The following RIPOR1 variants were observed in gnomAD, a reference collection of about 807,000 sequenced individuals.
RIPOR1 encodes the protein RHO family interacting cell polarization regulator 1, also known as rho family-interacting cell polarization regulator 1.
Under a neutral mutation model 116.5 loss-of-function variants are expected in RIPOR1, and 58 were observed. The ratio of observed to expected loss-of-function variants is 0.50; its 90% CI spans 0.40 to 0.62. The LOEUF (loss-of-function observed/expected upper bound fraction) is 0.62, where lower values mean the gene tolerates loss of function less well. RIPOR1 is among the 20% of genes least tolerant of loss of function. The pLI, the probability that RIPOR1 is intolerant of heterozygous loss-of-function variation, is 0.00. For missense variants in RIPOR1, 1,372 were observed against 1,586.2 expected (o/e 0.86, Z 2.29); for synonymous variants, 605 against 650.0 (o/e 0.93, Z 1.05).
Position 67,537,622 on chromosome 16 carries a change from A to T in RIPOR1, c.-23-802A>T. The T allele has an allele frequency of 7.2e-7, 1 of 1,389,522 alleles. No homozygotes were observed. The allele number at this position is 1,389,522 out of a possible 1,614,324, so 86.1% of individuals were successfully genotyped here. A position where few individuals can be genotyped will look rare whatever the true frequency, so the allele number is the denominator to read the frequency against. ...GGTAGGACCCAGCTCGGGGCTGCGA[A>T]AGCTCAGGGACTGGCCCCAGGGGAA... On this transcript the variant is annotated intron_variant, in intron 1 of 21. Coordinates refer to ENST00000042381, the MANE Select transcript of RIPOR1 (RefSeq NM_024519.4). The surrounding 1 kb of genome is among the most constrained non-coding windows in gnomAD (Gnocchi z 4.6).
In RIPOR1 at chr16:67,540,765, T is replaced by C. The variant is rs1448233240; in HGVS notation, c.801+61T>C. 1.1e-5 allele frequency: 16 copies of C among 1,493,940 alleles called. No individual in the cohort carries two copies. Among genetic ancestry groups the C allele is most frequent in the African/African-American group, 1.4e-5 (1 of 71,324 alleles). The allele number at this position is 1,493,940 out of a possible 1,614,324, so 92.5% of individuals were successfully genotyped here. On this transcript the variant is annotated intron_variant, in intron 10 of 21. Transcript: ENST00000042381. The surrounding 1 kb of genome is among the most constrained non-coding windows in gnomAD (Gnocchi z 4.7). ...CCCTGTGAACCCCTTGTGACCCCCA[T>C]TACCCTGAGTCCCTTACTCCTGTGA...
Position 67,542,488 on chromosome 16 carries a change from C to T in RIPOR1, c.1702C>T (p.His568Tyr). 1 of 1,613,980 alleles carries T rather than the reference C, an allele frequency of 6.2e-7. No homozygotes were observed. Among genetic ancestry groups the T allele is most frequent in the Admixed American group, 1.7e-5 (1 of 59,988 alleles). The part of the protein sequence containing the change: ...TTHSAPSPLT[H>Y]TTTGSTHKPI... Reference sequence around the variant, plus strand: ...CCACAGTGCTCCAAGCCCCCTCACTCACACTACTACAGGCTCCACCCACAA... The same window carrying T: ...CCACAGTGCTCCAAGCCCCCTCACTTACACTACTACAGGCTCCACCCACAA... The change falls in exon 13 of 22, where the codon CAC becomes TAC. Residue 568 changes from histidine (H) to tyrosine (Y), a missense_variant. By Grantham distance (83) the His-to-Tyr change is moderately conservative. This residue lies in a region of RIPOR1 where 1,005 missense variants were observed against 1,144.7 expected (regional missense o/e 0.88). Coordinates refer to ENST00000042381, the MANE Select transcript of RIPOR1 (RefSeq NM_024519.4). This position sits in a 1 kb window ranked among gnomAD's most constrained non-coding sequence, Gnocchi z 4.6.
rs1490272260 is a variant in RIPOR1, at chr16:67,541,479, C to A, written c.851C>A (p.Ser284Tyr). Residue 284 changes from serine to tyrosine, a missense_variant, in exon 11 of 22, where the codon TCC becomes TAC. Ser to Tyr is a moderately radical substitution (Grantham distance 144). Transcript: ENST00000042381. This position sits in a 1 kb window ranked among gnomAD's most constrained non-coding sequence, Gnocchi z 4.6. The stretch of plus-strand genomic sequence containing the variant: ...AACCATGTGGTTGTGGGCAGTGTCT[C>A]CTGTGAGACCAAGGACCTGTTTGCC... The part of the protein sequence containing the change: ...LANHVVVGSV[S>Y]CETKDLFAAL... The A allele has an allele frequency of 6.2e-7, 1 of 1,614,114 alleles. No homozygotes were observed. The highest frequency in any genetic ancestry group is 2.2e-5 in the East Asian group (1 of 44,890).
chr16:67,541,541 C>T lies in RIPOR1; in HGVS notation c.913C>T (p.Leu305Phe). 1 of 1,614,124 alleles carries T rather than the reference C, an allele frequency of 6.2e-7. No homozygotes were observed. The highest frequency in any genetic ancestry group is 8.5e-7 in the Non-Finnish European group (1 of 1,179,990). The change falls in exon 11 of 22, where the codon CTT (leucine) becomes TTT (phenylalanine). Residue 305 changes from leucine to phenylalanine, a missense_variant. Coordinates refer to ENST00000042381, the MANE Select transcript of RIPOR1 (RefSeq NM_024519.4). The surrounding 1 kb of genome is among the most constrained non-coding windows in gnomAD (Gnocchi z 4.6). ...PQVVAVDINDLGTIKLSLEVT... is the reference protein window; with the variant it reads ...PQVVAVDINDFGTIKLSLEVT... ...GGTTGTGGCTGTGGATATCAATGAC[C>T]TTGGTACCATCAAGCTCAGCCTGGA...
Position 67,541,789 on chromosome 16 carries a change from C to G in RIPOR1, c.1080+7C>G. 6.2e-7 allele frequency: 1 copy of G among 1,614,076 alleles called. No homozygotes were observed. Among genetic ancestry groups the G allele is most frequent in the Non-Finnish European group, 8.5e-7 (1 of 1,179,980 alleles). ...TCGGGAACAGGCTTTCTATGTGAGT[C>G]ATAGCCCAGGTCCAGGCCTCACCAT... On this transcript the variant is annotated splice_region_variant and intron_variant, in intron 12 of 21. Transcript: ENST00000042381. This position sits in a 1 kb window ranked among gnomAD's most constrained non-coding sequence, Gnocchi z 4.6.
At chr16:67,533,820 T>C (rs2050723014) in intron 1 of RIPOR1, among the ~76,000 whole-genome samples, 1 of 151,028 alleles carries the variant, frequency 6.6e-6, no homozygotes. Flanking sequence ...TTTTTTTTTT[T>C]TTCTGAGATG....
At chr16:67,528,936 C>A in intron 1 of RIPOR1, 22 bp downstream of exon 1, 1 of 191,342 alleles carries the variant, frequency 5.2e-6, no homozygotes, top group Non-Finnish European at 1.1e-5. Context: ...GCGCCGTTTC[C>A]GGGGCTGCAG....
intron 1 of RIPOR1, among the ~76,000 whole-genome samples, chr16:67,519,453 C>T (rs2050475308): frequency 6.6e-6 from 1 of 152,008 alleles, no homozygotes; most frequent in Non-Finnish European, 1.5e-5. Flanking sequence ...ACAGGTCCCA[C>T]GGGCAGAGGT....
chr16:67,518,496 C>T (rs1310487487), exon 1 of RIPOR1: 2 of 152,352 alleles, frequency 1.3e-5, no homozygotes, highest in African/African-American at 4.8e-5. Flanking sequence ...TGGTGGCTGC[C>T]ATCCCCCCAG....
chr16:67,538,301 C>A, intron 1 of RIPOR1, 123 bp from the exon 2 acceptor site: 1 of 1,349,200 alleles, frequency 7.4e-7, no homozygotes. Context: ...CGGACCCGGC[C>A]GGAGCCCGCT....
upstream of RIPOR1, among the ~76,000 whole-genome samples, chr16:67,525,539 G>A (rs138258001): frequency 4.0e-4 from 61 of 152,150 alleles, no homozygotes; most frequent in Non-Finnish European, 7.1e-4. Flanking sequence ...GGGAAGCCGC[G>A]GTTTTTCTGG....
rs571690841 is a variant in RIPOR1, at chr16:67,541,765, C to A, written c.1063C>A (p.Arg355=). 2 of 1,614,082 alleles carry A rather than the reference C, an allele frequency of 1.2e-6. No individual in the cohort carries two copies. The highest frequency in any genetic ancestry group is 2.7e-5 in the African/African-American group (2 of 75,024). ...GAGCCCACCGGACACACCCTCACTT[C>A]GGGAACAGGCTTTCTATGTGAGTCA... ...SQSPPDTPSL[R]EQAFYNMLRR... Residue 355 remains arginine (R), a synonymous_variant, in exon 12 of 22, where the codon CGG becomes AGG. Coordinates refer to ENST00000042381, the MANE Select transcript of RIPOR1 (RefSeq NM_024519.4). The surrounding 1 kb of genome is among the most constrained non-coding windows in gnomAD (Gnocchi z 4.6).
At position 67,540,565 on chromosome 16, in the gene RIPOR1, AC is replaced by A; in HGVS notation, c.676-12del. 1 of 1,613,992 alleles carries A rather than the reference AC, an allele frequency of 6.2e-7. No individual in the cohort carries two copies. Among genetic ancestry groups the A allele is most frequent in the Non-Finnish European group, 8.5e-7 (1 of 1,179,938 alleles). ...CCCAACACCTAGGCTGCCTCATCCT[AC>A]CTGTTCCCCCAGATCTGCATGAAAT... On this transcript the variant is annotated splice_polypyrimidine_tract_variant and intron_variant, in intron 9 of 21. Transcript: ENST00000042381. The surrounding 1 kb of genome is among the most constrained non-coding windows in gnomAD (Gnocchi z 4.7).
At chr16:67,523,521 TA>T (rs1169903442) in intron 1 of RIPOR1, among the ~76,000 whole-genome samples, 933 of 44,050 alleles carry the variant, frequency 0.021, 4 homozygotes, top group African/African-American at 0.037. Context: ...CAAGACTCCA[TA>T]AAAAAAAAAA....
At chr16:67,527,166 G>C (rs745604833), upstream of RIPOR1, among the ~76,000 whole-genome samples, 2 of 152,214 alleles carry the variant, frequency 1.3e-5, no homozygotes, top group Non-Finnish European at 2.9e-5. Flanking sequence ...GCTCATGCCT[G>C]TAATCCCAGC....
Position 67,545,979 on chromosome 16 carries a change from G to A in RIPOR1, c.3418G>A (p.Asp1140Asn). 1 of 1,613,990 alleles carries A rather than the reference G, an allele frequency of 6.2e-7. No homozygotes were observed. The highest frequency in any genetic ancestry group is 8.5e-7 in the Non-Finnish European group (1 of 1,180,024). ...ALLCFLDQLE[D>N]EDVQTRVAGC... The stretch of plus-strand genomic sequence containing the variant: ...CCTGTGCTTCCTGGACCAGCTGGAG[G>A]ATGAGGACGTGCAGACTCGAGTGGC... Residue 1140 changes from aspartate to asparagine, a missense_variant, in exon 20 of 22, where the codon GAT (aspartate) becomes AAT (asparagine). By Grantham distance (23) the Asp-to-Asn change is conservative (BLOSUM62 1). Coordinates refer to ENST00000042381, the MANE Select transcript of RIPOR1 (RefSeq NM_024519.4). The surrounding 1 kb of genome is among the most constrained non-coding windows in gnomAD (Gnocchi z 4.8).
In RIPOR1 at chr16:67,545,926, T is replaced by G. The variant is rs1368514485; in HGVS notation, c.3388-23T>G. 1.1e-5 allele frequency: 18 copies of G among 1,613,714 alleles called. No individual in the cohort carries two copies. The highest frequency in any genetic ancestry group is 1.0e-4 in the Admixed American group (6 of 59,994). Reference sequence around the variant, plus strand: ...CCTGGACTCCCACTGTCTGGCTAAGTCTGTCCTCCCACCCTTCCACAGGCC... The same window carrying G: ...CCTGGACTCCCACTGTCTGGCTAAGGCTGTCCTCCCACCCTTCCACAGGCC... On this transcript the variant is annotated intron_variant, in intron 19 of 21. Transcript: ENST00000042381. This position sits in a 1 kb window ranked among gnomAD's most constrained non-coding sequence, Gnocchi z 4.8.
rs778335321 is a variant in RIPOR1 at position 67,541,774 on chromosome 16, G to C, written c.1072G>C (p.Ala358Pro). The change falls in exon 12 of 22, where the codon GCT becomes CCT. Residue 358 changes from alanine to proline, a missense_variant. Transcript: ENST00000042381. This position sits in a 1 kb window ranked among gnomAD's most constrained non-coding sequence, Gnocchi z 4.6. ...GGACACACCCTCACTTCGGGAACAG[G>C]CTTTCTATGTGAGTCATAGCCCAGG... ...PPDTPSLREQ[A>P]FYNMLRRQEE... is the part of the protein sequence containing the mutation. 2.5e-6 allele frequency: 4 copies of C among 1,614,026 alleles called. No homozygotes were observed. The Admixed American group carries it at 6.7e-5, about 27-fold the overall frequency.
chr16:67,539,149 C>A, intron 4 of RIPOR1, 81 bp downstream of exon 4: 1 of 1,209,678 alleles, frequency 8.3e-7, no homozygotes, highest in Non-Finnish European at 1.2e-6. Context: ...GATATCTGGG[C>A]TATTTTCTGA....
Sources: gnomAD v4.1 joint callset for allele counts (sites outside exome capture counted in the v4.1 genomes callset) on GRCh38, gnomAD v4.1.1 for gene constraint, gnomAD v4.1.1 regional missense constraint, Gnocchi (gnomAD v3.1) non-coding constraint, MANE v1.5 for transcripts, NCBI Gene and HGNC (gene_info 2026-07-23, HGNC 2026-07-21) for gene names.